Variants in PCDHGB3 observed in about 807,000 individuals in gnomAD.
PCDHGB3 encodes protocadherin gamma subfamily B, 3.
A neutral mutation model predicts 59.2 loss-of-function variants in PCDHGB3; 40 were observed. The ratio of observed to expected loss-of-function variants is 0.68; its 90% CI spans 0.52 to 0.88. The LOEUF is 0.88. Ranked by LOEUF, PCDHGB3 falls within the 40% of genes least tolerant of loss-of-function variation. The pLI is 0.00. For missense variants in PCDHGB3, 1,309 were observed against 1,187.9 expected, an observed-to-expected ratio of 1.10 and a Z score of -1.50; for synonymous variants, 581 against 503.6, an observed-to-expected ratio of 1.15 and a Z score of -2.06.
intron 1 of PCDHGB3, among the ~76,000 whole-genome samples, chr5:141,450,814 A>ATT (rs755856825): frequency 0.033 from 4,450 of 136,778 alleles, 81 homozygotes; most frequent in Middle Eastern, 0.081. Context: ...TTATTTATTT[A>ATT]ATATTATTAT....
chr5:141,403,201 C>T (rs1486888915), intron 1 of PCDHGB3: 2 of 1,614,002 alleles, frequency 1.2e-6, no homozygotes, highest in South Asian at 1.1e-5. Context: ...GCAGCGGCAC[C>T]TTGGTCACCG....
At chr5:141,398,416 G>A (rs2093654818) in intron 1 of PCDHGB3, 3 of 1,496,580 alleles carry the variant, frequency 2.0e-6, no homozygotes, top group South Asian at 1.1e-5. Flanking sequence ...GGAGATATGC[G>A]GGAAGAAGCC....
At position 141,466,670 on chromosome 5, in the gene PCDHGB3, G is replaced by C. The variant is rs994949602; in HGVS notation, c.2416-28137G>C. On this transcript the variant is annotated intron_variant, in intron 1 of 3. Transcript: ENST00000576222. ...TTCACAAAACATCAGTGATTTCACC[G>C]TTCTTCCACTCAAGCTTCATCATAA... Among the ~76,000 whole-genome samples, 3 of 152,046 alleles carry C rather than the reference G, an allele frequency of 2.0e-5. No homozygotes were observed. The South Asian group carries it at 6.2e-4, about 32-fold the overall frequency.
At chr5:141,394,507 C>T in intron 1 of PCDHGB3, 1 of 1,614,214 alleles carries the variant, frequency 6.2e-7, no homozygotes, top group South Asian at 1.1e-5. Flanking sequence ...ATCCTGTACC[C>T]CGCCCTCCCC....
At chr5:141,389,463 GA>G in intron 1 of PCDHGB3, 1 of 1,613,310 alleles carries the variant, frequency 6.2e-7, no homozygotes, top group Non-Finnish European at 8.5e-7. Context: ...GCGCGCCTTC[GA>G]ACTCACACTG....
rs1190624035 is a variant in PCDHGB3, at chr5:141,432,332, T to G, written c.2415+59523T>G. ...GCTGAGCTCCTTCGACTACGAGCAG[T>G]TCCGAGACTTGCAAGTGAAAGTGAT... On this transcript the variant is annotated intron_variant, in intron 1 of 3. Coordinates refer to ENST00000576222, the MANE Select transcript of PCDHGB3 (RefSeq NM_018924.5). The surrounding 1 kb of genome is among the most constrained non-coding windows in gnomAD (Gnocchi z 6.0). The G allele has an allele frequency of 2.5e-6, 4 of 1,614,116 alleles. No homozygotes were observed. In the African/African-American group the frequency reaches 5.3e-5, roughly 22 times the overall value.
intron 1 of PCDHGB3, chr5:141,479,198 GA>G (rs1288699377): frequency 6.6e-6 from 1 of 152,304 alleles, no homozygotes; most frequent in African/African-American, 2.4e-5. Context: ...AGAAAATACA[GA>G]AAAGTATTTA....
Position 141,476,064 on chromosome 5 carries a change from C to T in PCDHGB3, c.2416-18743C>T, listed in dbSNP as rs1593605493. On this transcript the variant is annotated intron_variant, in intron 1 of 3. Transcript: ENST00000576222. The surrounding 1 kb of genome is among the most constrained non-coding windows in gnomAD (Gnocchi z 7.6). Reference sequence around the variant, plus strand: ...CGCTAACCCGCTGAAAGTTTCTCAGCGAAATCTCAGGGACGATCTGGACCC... The same window carrying T: ...CGCTAACCCGCTGAAAGTTTCTCAGTGAAATCTCAGGGACGATCTGGACCC... 2.0e-6 allele frequency: 3 copies of T among 1,510,080 alleles called. No homozygotes were observed. In the East Asian group the frequency reaches 6.8e-5, roughly 34 times the overall value. 93.5% of individuals were successfully genotyped at this position (1,510,080 alleles called of 1,614,324 possible). A position where few individuals can be genotyped will look rare whatever the true frequency, so the allele number is the denominator to read the frequency against.
rs1464961193 is a variant in PCDHGB3 at position 141,432,346 on chromosome 5, A to G, written c.2415+59537A>G. The G allele has an allele frequency of 6.2e-7, 1 of 1,614,192 alleles. No homozygotes were observed. Among genetic ancestry groups the G allele is most frequent in the African/African-American group, 1.3e-5 (1 of 75,054 alleles). On this transcript the variant is annotated intron_variant, in intron 1 of 3. Coordinates refer to ENST00000576222, the MANE Select transcript of PCDHGB3 (RefSeq NM_018924.5). This position sits in a 1 kb window ranked among gnomAD's most constrained non-coding sequence, Gnocchi z 6.0. ...ACTACGAGCAGTTCCGAGACTTGCA[A>G]GTGAAAGTGATGGCGCGGGACAACG...
At chr5:141,414,174 A>C in intron 1 of PCDHGB3, 1 of 1,607,520 alleles carries the variant, frequency 6.2e-7, no homozygotes, top group Non-Finnish European at 8.5e-7. Context: ...CATATCTTGC[A>C]ACTGCAAAAG....
Position 141,487,247 on chromosome 5 carries a change from T to C in PCDHGB3, c.2416-7560T>C. Reference sequence around the variant, plus strand: ...GGAAGGAGAATCTCGTCTAACCCTCTACTTGGCTGTGTCCCTAGTGGCAAT... The same window carrying C: ...GGAAGGAGAATCTCGTCTAACCCTCCACTTGGCTGTGTCCCTAGTGGCAAT... On this transcript the variant is annotated intron_variant, in intron 1 of 3. Transcript: ENST00000576222. This position sits in a 1 kb window ranked among gnomAD's most constrained non-coding sequence, Gnocchi z 5.0. 1 of 1,614,174 alleles carries C rather than the reference T, an allele frequency of 6.2e-7. No individual in the cohort carries two copies. The highest frequency in any genetic ancestry group is 1.3e-5 in the African/African-American group (1 of 75,048).
rs757691247 is a variant in PCDHGB3 at position 141,399,920 on chromosome 5, C to T, written c.2415+27111C>T. On this transcript the variant is annotated intron_variant, in intron 1 of 3. Coordinates refer to ENST00000576222, the MANE Select transcript of PCDHGB3 (RefSeq NM_018924.5). ...GTGGACGCAGACTCAGGACACAACG[C>T]CTGGCTGTCCTACCACGTGCTGCAG... is the stretch of plus-strand genomic sequence containing the variant. 1.2e-5 allele frequency: 20 copies of T among 1,612,216 alleles called. No homozygotes were observed. The South Asian group carries it at 2.1e-4, about 17-fold the overall frequency.
chr5:141,396,347 G>A (rs765584625), intron 1 of PCDHGB3: 21 of 152,416 alleles, frequency 1.4e-4, no homozygotes, highest in Non-Finnish European at 2.5e-4. Context: ...GGCCGGGTGC[G>A]GTGGCTCACG....
intron 1 of PCDHGB3, chr5:141,413,902 G>A: frequency 1.9e-6 from 3 of 1,613,252 alleles, no homozygotes; most frequent in East Asian, 2.2e-5. Flanking sequence ...AAATGACAAC[G>A]CGCCGGTCTT....
intron 1 of PCDHGB3, chr5:141,419,462 C>T: frequency 6.2e-7 from 1 of 1,612,582 alleles, no homozygotes. Flanking sequence ...GCTGCAGGCC[C>T]GCGACCAGGG....
At chr5:141,419,630 G>T in intron 1 of PCDHGB3, 2 of 1,612,430 alleles carry the variant, frequency 1.2e-6, no homozygotes, top group African/African-American at 1.3e-5. Flanking sequence ...GGTGACCAAG[G>T]TGGTGGCCGT....
chr5:141,414,642 C>A (rs547014431), intron 1 of PCDHGB3: 1 of 1,613,962 alleles, frequency 6.2e-7, no homozygotes, highest in Admixed American at 1.7e-5. Context: ...AAGAGAATGC[C>A]CAGATTATTT....
At chr5:141,446,894 A>C (rs1413761456) in intron 1 of PCDHGB3, among the ~76,000 whole-genome samples, 3 of 152,118 alleles carry the variant, frequency 2.0e-5, no homozygotes, top group Non-Finnish European at 2.9e-5. Flanking sequence ...TTCATGGCTG[A>C]GCTACTTTTG....
intron 1 of PCDHGB3, chr5:141,389,972 GA>G: frequency 6.2e-7 from 1 of 1,614,056 alleles, no homozygotes; most frequent in East Asian, 2.2e-5. Flanking sequence ...CCTTGGCCTT[GA>G]TCTCAGTGCT....
Sources: allele counts gnomAD v4.1 joint callset (sites outside exome capture counted in the v4.1 genomes callset), GRCh38; gene constraint gnomAD v4.1.1; non-coding constraint Gnocchi (gnomAD v3.1); transcripts MANE v1.5; gene names NCBI Gene and HGNC (gene_info 2026-07-23, HGNC 2026-07-21).